The following MAPK10 variants were observed in gnomAD, a reference collection of about 807,000 sequenced individuals.
MAPK10 encodes the protein mitogen-activated protein kinase 10, also known as JNK3 alpha protein kinase.
MAPK10 carries 25 observed loss-of-function variants against 59.3 expected under a neutral mutation model. The ratio of observed to expected loss-of-function variants is 0.42; its 90% CI spans 0.31 to 0.59. The LOEUF is 0.59. Among genes scored for constraint, MAPK10 ranks in the 20% least tolerant of loss-of-function variants. The probability of loss-of-function intolerance (pLI) is 0.15; values close to 1 mark genes in which losing one functional copy is unlikely to be tolerated. For synonymous variants in MAPK10, 190 were observed against 200.5 expected (o/e 0.95, Z 0.44); for missense variants, 351 against 568.9 (o/e 0.62, Z 3.90).
intron 4 of MAPK10, among the ~76,000 whole-genome samples, chr4:86,132,683 G>T (rs1250642881): frequency 4.6e-5 from 7 of 152,240 alleles, no homozygotes; most frequent in Admixed American, 4.6e-4. Context: ...CCTGAGCTCT[G>T]TCCCCTGTGA....
chr4:86,301,083 G>A (rs897666894), intron 2 of MAPK10, among the ~76,000 whole-genome samples: 1 of 152,000 alleles, frequency 6.6e-6, no homozygotes, highest in Non-Finnish European at 1.5e-5. Context: ...ATGCATTGTA[G>A]GATGGTTCAC....
At chr4:86,402,453 A>G (rs1379554652) in intron 1 of MAPK10, among the ~76,000 whole-genome samples, 2 of 152,184 alleles carry the variant, frequency 1.3e-5, no homozygotes, top group African/African-American at 2.4e-5. Flanking sequence ...CAGTGCAGAA[A>G]ATATAAAAGA....
chr4:86,049,524 T>C (rs1241191412), intron 11 of MAPK10, among the ~76,000 whole-genome samples: 1 of 152,076 alleles, frequency 6.6e-6, no homozygotes, highest in African/African-American at 2.4e-5. Flanking sequence ...TAGGAACTGA[T>C]AACATTTCCA....
chr4:86,291,779 G>A (rs1298919044), intron 2 of MAPK10, among the ~76,000 whole-genome samples: 1 of 152,186 alleles, frequency 6.6e-6, no homozygotes. Context: ...ATTAAAAGAG[G>A]TTAAGGAAAA....
At chr4:86,327,175 A>C (rs1356685553) in intron 2 of MAPK10, 1 of 146,972 alleles carries the variant, frequency 6.8e-6, no homozygotes, top group Non-Finnish European at 1.5e-5. Flanking sequence ...AGGACTCACT[A>C]TGTTGCCCAG....
chr4:86,295,906 T>C lies in MAPK10; in HGVS notation c.-7+58624A>G, dbSNP rs547829465. Among the ~76,000 whole-genome samples, 61 of 151,612 alleles carry C rather than the reference T, an allele frequency of 4.0e-4. 1 individual carries two copies. In the South Asian group the frequency reaches 0.011, roughly 28 times the overall value. Reference sequence around the variant, plus strand: ...AGAACCTAGCAGAGGCCGGGCACAGTGGCTCATGCCTGTAATCCCAGCACT... The same window carrying C: ...AGAACCTAGCAGAGGCCGGGCACAGCGGCTCATGCCTGTAATCCCAGCACT... On this transcript the variant is annotated intron_variant, in intron 2 of 13. Coordinates refer to ENST00000641462, the MANE Select transcript of MAPK10 (RefSeq NM_138982.4).
chr4:86,515,806 A>G (rs113221763), intron 1 of MAPK10, among the ~76,000 whole-genome samples: 7,134 of 151,716 alleles, frequency 0.047, 224 homozygotes, highest in African/African-American at 0.059. Flanking sequence ...ACTCTGCTGA[A>G]TATTTCTTTT....
At chr4:86,171,825 T>G (rs2074272885) in intron 3 of MAPK10, among the ~76,000 whole-genome samples, 1 of 150,456 alleles carries the variant, frequency 6.6e-6, no homozygotes, top group Non-Finnish European at 1.5e-5. Flanking sequence ...CCCAACCTAC[T>G]CATCTGACAA....
At chr4:86,142,012 C>T (rs1297142947) in intron 4 of MAPK10, among the ~76,000 whole-genome samples, 3 of 152,198 alleles carry the variant, frequency 2.0e-5, no homozygotes, top group Non-Finnish European at 4.4e-5. Context: ...AAACGACCCA[C>T]TTTCTTGGGA....
At chr4:86,370,341 T>C (rs1004680303) in intron 1 of MAPK10, among the ~76,000 whole-genome samples, 4 of 152,086 alleles carry the variant, frequency 2.6e-5, no homozygotes, top group African/African-American at 9.7e-5. Flanking sequence ...TCAGCAAATA[T>C]TCAGAGACAT....
chr4:86,205,923 G>T (rs1007036297), intron 2 of MAPK10, among the ~76,000 whole-genome samples: 1 of 151,872 alleles, frequency 6.6e-6, no homozygotes, highest in Non-Finnish European at 1.5e-5. Flanking sequence ...ATATAAAGAT[G>T]TCTGCCATCA....
At chr4:86,266,401 C>G (rs374661430) in intron 2 of MAPK10, among the ~76,000 whole-genome samples, 8 of 152,158 alleles carry the variant, frequency 5.3e-5, no homozygotes, top group African/African-American at 1.4e-4. Flanking sequence ...CTCTACCTCA[C>G]AGTATTGCTG....
upstream of MAPK10, among the ~76,000 whole-genome samples, chr4:86,457,136 T>C (rs902652269): frequency 6.6e-6 from 1 of 152,168 alleles, no homozygotes; most frequent in African/African-American, 2.4e-5. Flanking sequence ...CTTAGCAAAA[T>C]TGGCATACAA....
At chr4:86,394,549 T>A (rs1742661899) in intron 1 of MAPK10, among the ~76,000 whole-genome samples, 1 of 152,174 alleles carries the variant, frequency 6.6e-6, no homozygotes, top group Non-Finnish European at 1.5e-5. Flanking sequence ...TTTTAATTAT[T>A]AACAGTGGTA....
intron 3 of MAPK10, among the ~76,000 whole-genome samples, chr4:86,188,970 T>G (rs2149302779): frequency 6.6e-6 from 1 of 152,372 alleles, no homozygotes; most frequent in African/African-American, 2.4e-5. Flanking sequence ...TTTCTGCATA[T>G]GGCTAGCCAG....
chr4:86,546,452 G>A (rs1351742985), intron 1 of MAPK10, among the ~76,000 whole-genome samples: 1 of 151,788 alleles, frequency 6.6e-6, no homozygotes, highest in Non-Finnish European at 1.5e-5. Flanking sequence ...AACTACTCAG[G>A]AGGCTGAGGC....
At chr4:86,221,330 G>A (rs1563253569) in intron 2 of MAPK10, among the ~76,000 whole-genome samples, 1 of 152,168 alleles carries the variant, frequency 6.6e-6, no homozygotes. Flanking sequence ...AAGCCACATC[G>A]GATGGCTACT....
At chr4:86,285,504 C>T (rs1411977582) in intron 2 of MAPK10, among the ~76,000 whole-genome samples, 3 of 152,042 alleles carry the variant, frequency 2.0e-5, no homozygotes, top group African/African-American at 4.8e-5. Flanking sequence ...TGTGAGCCAC[C>T]GTGCCTGGCC....
intron 1 of MAPK10, among the ~76,000 whole-genome samples, chr4:86,418,071 TAAAC>T (rs1746079247): frequency 6.6e-6 from 1 of 152,060 alleles, no homozygotes; most frequent in African/African-American, 2.4e-5. Flanking sequence ...CTGCTACAAA[TAAAC>T]AAACCACTAA....
Sources: allele counts gnomAD v4.1 joint callset (sites outside exome capture counted in the v4.1 genomes callset), GRCh38; gene constraint gnomAD v4.1.1; transcripts MANE v1.5; gene names NCBI Gene and HGNC (gene_info 2026-07-23, HGNC 2026-07-21).